The following CEMIP variants were observed in gnomAD, a reference collection of about 807,000 sequenced individuals.
The protein encoded by CEMIP is cell migration inducing hyaluronidase 1.
A neutral mutation model predicts 156.9 loss-of-function variants in CEMIP; 105 were observed. The ratio of observed to expected loss-of-function variants is 0.67; its 90% confidence interval spans 0.57 to 0.79. CEMIP has a LOEUF of 0.79. CEMIP is among the 30% of genes least tolerant of loss of function. The pLI, the probability that CEMIP is intolerant of heterozygous loss-of-function variation, is 0.00. For synonymous variants in CEMIP, 676 were observed against 668.4 expected (o/e 1.01, Z -0.17); for missense variants, 1,457 against 1,769.4 (o/e 0.82, Z 3.17).
chr15:80,828,050 T>C (rs1397471951), intron 1 of CEMIP, among the ~76,000 whole-genome samples: 2 of 152,186 alleles, frequency 1.3e-5, no homozygotes, highest in African/African-American at 4.8e-5. Flanking sequence ...AAGGATTTCA[T>C]GTGAAGAAAA....
At chr15:80,916,578 GCTAT>G (rs998923063) in intron 14 of CEMIP, among the ~76,000 whole-genome samples, 2 of 152,202 alleles carry the variant, frequency 1.3e-5, no homozygotes, top group Admixed American at 1.3e-4. Context: ...TTATGTATCT[GCTAT>G]CTGTCTATCC....
intron 1 of CEMIP, among the ~76,000 whole-genome samples, chr15:80,791,494 T>A (rs1482615198): frequency 6.6e-6 from 1 of 152,106 alleles, no homozygotes; most frequent in Non-Finnish European, 1.5e-5. Context: ...AGAGAGAAGA[T>A]TAAATCAGGG....
At chr15:80,910,905 A>C (rs117353292) in intron 14 of CEMIP, among the ~76,000 whole-genome samples, 1 of 152,186 alleles carries the variant, frequency 6.6e-6, no homozygotes, top group Admixed American at 6.5e-5. Flanking sequence ...TGTCTCAAGG[A>C]AAAAGGAAAG....
At chr15:80,914,725 A>G (rs1033771534) in intron 14 of CEMIP, among the ~76,000 whole-genome samples, 3 of 152,120 alleles carry the variant, frequency 2.0e-5, no homozygotes, top group African/African-American at 4.8e-5. Context: ...AGCTGCTCTC[A>G]TCTTGGAACT....
intron 1 of CEMIP, among the ~76,000 whole-genome samples, chr15:80,816,135 T>C (rs1473206102): frequency 6.6e-6 from 1 of 152,236 alleles, no homozygotes; most frequent in Non-Finnish European, 1.5e-5. Context: ...TGGCTGCATG[T>C]GGATTTCAGG....
At chr15:80,897,447 C>A in intron 12 of CEMIP, 1 of 425,566 alleles carries the variant, frequency 2.3e-6, no homozygotes, top group Non-Finnish European at 4.8e-6. Flanking sequence ...GGAGGCAGTC[C>A]ACAAACAATG....
intron 1 of CEMIP, among the ~76,000 whole-genome samples, chr15:80,802,582 G>T (rs1896405864): frequency 6.6e-6 from 1 of 152,242 alleles, no homozygotes; most frequent in Non-Finnish European, 1.5e-5. Context: ...GGCGTGGGCT[G>T]GCGAGAGCAG....
intron 21 of CEMIP, 103 bp from the exon 22 acceptor site, chr15:80,931,756 C>A: frequency 8.4e-7 from 1 of 1,186,606 alleles, no homozygotes; most frequent in Non-Finnish European, 1.2e-6. Context: ...CTACCATCCA[C>A]CTCAGAAGGG....
At chr15:80,793,009 G>C (rs926926083) in intron 1 of CEMIP, among the ~76,000 whole-genome samples, 2 of 152,224 alleles carry the variant, frequency 1.3e-5, no homozygotes, top group African/African-American at 4.8e-5. Flanking sequence ...AATAGAGAAA[G>C]GTAGTCCAGG....
At chr15:80,879,274 G>A (rs1489906374) in intron 4 of CEMIP, among the ~76,000 whole-genome samples, 2 of 152,186 alleles carry the variant, frequency 1.3e-5, no homozygotes, top group Admixed American at 6.5e-5. Flanking sequence ...CAACCAATTC[G>A]AGGTTGAAAA....
intron 1 of CEMIP, among the ~76,000 whole-genome samples, chr15:80,800,021 ATG>A (rs56412231): frequency 0.014 from 1,769 of 124,818 alleles, 16 homozygotes; most frequent in African/African-American, 0.027. Context: ...AGCTAATTTT[ATG>A]TGTGTGTGTG....
At chr15:80,785,649 C>T (rs1475211587) in intron 1 of CEMIP, among the ~76,000 whole-genome samples, 2 of 152,196 alleles carry the variant, frequency 1.3e-5, no homozygotes, top group East Asian at 1.9e-4. Context: ...GAGTGGAGGG[C>T]GTGAGACCTG....
At chr15:80,941,755 A>C in intron 25 of CEMIP, 94 bp from the exon 26 acceptor site, 1 of 1,174,082 alleles carries the variant, frequency 8.5e-7, no homozygotes, top group Non-Finnish European at 1.3e-6. Flanking sequence ...TCTACCTGCT[A>C]TGACCAGCTC....
rs894870255 is a variant in CEMIP, at chr15:80,932,097, A to C, written c.2793+58A>C. 22 of 1,587,752 alleles carry C rather than the reference A, an allele frequency of 1.4e-5. No homozygotes were observed. In the Admixed American group the frequency reaches 3.7e-4, roughly 26 times the overall value. On this transcript the variant is annotated intron_variant, in intron 22 of 29. Coordinates refer to ENST00000394685, the MANE Select transcript of CEMIP (RefSeq NM_001293298.2). The surrounding 1 kb of genome is among the most constrained non-coding windows in gnomAD (Gnocchi z 4.5). ...ACCCAGACTTTGGATGGTGATTCAC[A>C]AGTCCCCTGGGTCCCAGAGTTTGAG...
At chr15:80,823,707 A>G (rs1216469325) in intron 1 of CEMIP, among the ~76,000 whole-genome samples, 3 of 152,208 alleles carry the variant, frequency 2.0e-5, no homozygotes, top group African/African-American at 7.2e-5. Context: ...AGTTTTACTA[A>G]TTTTTAAGAT....
At chr15:80,846,209 G>T (rs1897552872) in intron 1 of CEMIP, among the ~76,000 whole-genome samples, 1 of 152,154 alleles carries the variant, frequency 6.6e-6, no homozygotes, top group South Asian at 2.1e-4. Context: ...TATTATGGAG[G>T]TGGACGTTTC....
At chr15:80,895,274 T>C in intron 11 of CEMIP, 152 bp downstream of exon 11, 1 of 1,061,864 alleles carries the variant, frequency 9.4e-7, no homozygotes, top group Non-Finnish European at 1.4e-6. Context: ...ATCCTTGGAG[T>C]TGGCAGGAGA....
chr15:80,937,705 AT>A, intron 24 of CEMIP, 88 bp from the exon 25 acceptor site: 2 of 1,223,328 alleles, frequency 1.6e-6, no homozygotes, highest in East Asian at 2.3e-5. Context: ...TTTGGTGGAG[AT>A]TTTTTGGTCT....
At chr15:80,868,682 C>A (rs1898193739) in intron 1 of CEMIP, among the ~76,000 whole-genome samples, 1 of 152,204 alleles carries the variant, frequency 6.6e-6, no homozygotes. Flanking sequence ...CACCTACTTC[C>A]TGTGTGTCCT....
Sources: allele counts gnomAD v4.1 joint callset (sites outside exome capture counted in the v4.1 genomes callset), GRCh38; gene constraint gnomAD v4.1.1; non-coding constraint Gnocchi (gnomAD v3.1); transcripts MANE v1.5; gene names NCBI Gene and HGNC (gene_info 2026-07-23, HGNC 2026-07-21).